Variants in WDR59 observed in about 807,000 individuals in gnomAD.
WDR59 encodes the protein WD repeat domain 59.
A neutral mutation model predicts 131.2 loss-of-function variants in WDR59; 100 were observed. The ratio of observed to expected loss-of-function variants is 0.76; its 90% confidence interval spans 0.65 to 0.90. WDR59 has a LOEUF of 0.90. Among genes scored for constraint, WDR59 ranks in the 40% least tolerant of loss-of-function variants. The probability of loss-of-function intolerance (pLI) is 0.00; values close to 1 mark genes in which losing one functional copy is unlikely to be tolerated. For missense variants in WDR59, 1,203 were observed against 1,262.2 expected, an observed-to-expected ratio of 0.95 and a Z score of 0.71; for synonymous variants, 601 against 466.2, an observed-to-expected ratio of 1.29 and a Z score of -3.72.
At chr16:74,949,861 C>T (rs2032891352) in intron 4 of WDR59, 63 bp from the exon 5 acceptor site, 7 of 1,472,678 alleles carry the variant, frequency 4.8e-6, no homozygotes, top group Non-Finnish European at 6.6e-6. Flanking sequence ...AGGTCCAAAG[C>T]ACTAGCACAT....
intron 23 of WDR59, among the ~76,000 whole-genome samples, chr16:74,886,731 C>T (rs977413814): frequency 3.3e-5 from 5 of 152,020 alleles, no homozygotes; most frequent in Non-Finnish European, 5.9e-5. Flanking sequence ...ACCAGCCTGA[C>T]GAACATAGTG....
At chr16:74,973,322 G>A (rs990417632) in intron 1 of WDR59, among the ~76,000 whole-genome samples, 1 of 150,310 alleles carries the variant, frequency 6.7e-6, no homozygotes, top group Non-Finnish European at 1.5e-5. Context: ...TGGCGGGGGG[G>A]CCGGTCTCTC....
At chr16:74,926,948 A>G (rs1310479835) in intron 8 of WDR59, among the ~76,000 whole-genome samples, 3 of 152,208 alleles carry the variant, frequency 2.0e-5, no homozygotes, top group Non-Finnish European at 4.4e-5. Flanking sequence ...TGAGGTGTTA[A>G]TAAATCTTAG....
intron 1 of WDR59, among the ~76,000 whole-genome samples, chr16:74,976,914 G>A (rs2034209325): frequency 6.6e-6 from 1 of 152,144 alleles, no homozygotes; most frequent in South Asian, 2.1e-4. Flanking sequence ...GGCCAAGGCA[G>A]GAGGATCATT....
intron 1 of WDR59, among the ~76,000 whole-genome samples, chr16:74,982,168 GAT>G (rs2034454528): frequency 6.6e-6 from 1 of 150,680 alleles, no homozygotes; most frequent in African/African-American, 2.4e-5. Flanking sequence ...TTATTTAAAA[GAT>G]GTGGAGTGTT....
At chr16:74,932,430 T>TACACACACACACACACACACAC (rs34468583) in intron 8 of WDR59, among the ~76,000 whole-genome samples, 2 of 144,110 alleles carry the variant, frequency 1.4e-5, no homozygotes, top group Non-Finnish European at 3.0e-5. Flanking sequence ...ACATAATTTT[T>TACACACACACACACACACACAC]ACACACACAC....
intron 24 of WDR59, 112 bp from the exon 25 acceptor site, chr16:74,885,907 G>A (rs1214249088): frequency 1.1e-5 from 15 of 1,317,294 alleles, no homozygotes; most frequent in Non-Finnish European, 1.5e-5. Context: ...CAGGCACGGT[G>A]GCTAACACCT....
intron 6 of WDR59, among the ~76,000 whole-genome samples, chr16:74,946,332 G>C (rs553697196): frequency 6.6e-6 from 1 of 152,272 alleles, no homozygotes. Context: ...AATGAGGGGG[G>C]ATTACTGTAT....
intron 10 of WDR59, among the ~76,000 whole-genome samples, chr16:74,920,152 A>G (rs1597718199): frequency 6.6e-6 from 1 of 152,276 alleles, no homozygotes; most frequent in East Asian, 1.9e-4. Flanking sequence ...AAGAAGTAAA[A>G]TACAGATGGT....
intron 25 of WDR59, among the ~76,000 whole-genome samples, chr16:74,879,253 G>A (rs1014531077): frequency 6.6e-6 from 1 of 152,152 alleles, no homozygotes; most frequent in Non-Finnish European, 1.5e-5. Flanking sequence ...AGCTACTTAG[G>A]AGACTGTGGT....
rs148206428 is a variant in WDR59, at chr16:74,933,839, C to T, written c.651+4311G>A. On this transcript the variant is annotated intron_variant, in intron 8 of 25. Transcript: ENST00000262144. Reference sequence around the variant, plus strand: ...ACCTCAGGCGATCCACCCGCCTCGGCCTCCCAAAGTGTTGGGATTACAGGC... The same window carrying T: ...ACCTCAGGCGATCCACCCGCCTCGGTCTCCCAAAGTGTTGGGATTACAGGC... Among the ~76,000 whole-genome samples, 127 of 152,332 alleles carry T rather than the reference C, an allele frequency of 8.3e-4. 3 individuals are homozygous for T. The East Asian group carries it at 0.02, about 24-fold the overall frequency.
chr16:74,943,921 T>C (rs1340137858), intron 6 of WDR59, among the ~76,000 whole-genome samples: 4 of 152,200 alleles, frequency 2.6e-5, no homozygotes, highest in Admixed American at 1.3e-4. Flanking sequence ...ACATAAGGTA[T>C]CTTATGTCAT....
chr16:74,937,850 AG>A, intron 8 of WDR59, among the ~76,000 whole-genome samples: 1 of 152,250 alleles, frequency 6.6e-6, no homozygotes, highest in African/African-American at 2.4e-5. Context: ...CCTTTCACAA[AG>A]GGAAAGACGA....
At chr16:74,875,339 C>T (rs1033321761) in intron 25 of WDR59, among the ~76,000 whole-genome samples, 1 of 152,208 alleles carries the variant, frequency 6.6e-6, no homozygotes. Context: ...TTGCTTAAGT[C>T]CTCTGACTGC....
intron 1 of WDR59, among the ~76,000 whole-genome samples, chr16:74,981,384 A>AG (rs1382447139): frequency 6.8e-6 from 1 of 147,768 alleles, no homozygotes; most frequent in Admixed American, 6.8e-5. Context: ...TCAAAAAAAA[A>AG]ACAAAAAAAA....
intron 1 of WDR59, among the ~76,000 whole-genome samples, chr16:74,971,378 C>T (rs1424661254): frequency 6.7e-6 from 1 of 150,088 alleles, no homozygotes; most frequent in Non-Finnish European, 1.5e-5. Flanking sequence ...CTTACCCATA[C>T]ACTTTATACT....
intron 21 of WDR59, among the ~76,000 whole-genome samples, chr16:74,889,231 G>A (rs2144811771): frequency 6.6e-6 from 1 of 152,322 alleles, no homozygotes; most frequent in East Asian, 1.9e-4. Context: ...GTATACCCTA[G>A]TTTTCCATAT....
intron 13 of WDR59, among the ~76,000 whole-genome samples, chr16:74,915,146 C>A (rs1966302265): frequency 3.3e-5 from 5 of 152,114 alleles, no homozygotes; most frequent in Admixed American, 3.3e-4. Context: ...CACAGCCCAG[C>A]ACAGCACAGC....
intron 4 of WDR59, among the ~76,000 whole-genome samples, 165 bp downstream of exon 4, chr16:74,951,291 CTG>C (rs1327677135): frequency 6.6e-6 from 1 of 152,096 alleles, no homozygotes; most frequent in African/African-American, 2.4e-5. Context: ...CTGTTCCTCA[CTG>C]TGCTCTTCAC....
Sources: allele counts gnomAD v4.1 joint callset (sites outside exome capture counted in the v4.1 genomes callset), GRCh38; gene constraint gnomAD v4.1.1; transcripts MANE v1.5; gene names NCBI Gene and HGNC (gene_info 2026-07-23, HGNC 2026-07-21).